Variants in ZNF536 observed in about 807,000 individuals in gnomAD.
ZNF536 encodes the protein zinc finger protein 536.
ZNF536 carries 13 observed loss-of-function variants against 84.5 expected under a neutral mutation model. The observed-to-expected ratio is 0.15, with a 90% CI of 0.10 to 0.24. ZNF536 has a LOEUF of 0.24. ZNF536 is among the 10% of genes least tolerant of loss of function. ZNF536 has a pLI of 1.00. For synonymous variants in ZNF536, 811 were observed against 742.5 expected (o/e 1.09, Z -1.50); for missense variants, 1,536 against 1,747.5 (o/e 0.88, Z 2.16).
chr19:30,597,148 T>G (rs1336100786), intron 1 of ZNF536, among the ~76,000 whole-genome samples: 4 of 152,232 alleles, frequency 2.6e-5, no homozygotes, highest in Non-Finnish European at 1.5e-5. Context: ...CCTGCACCAG[T>G]GCGCAAGCAT....
At chr19:30,289,742 A>G (rs16964050) in intron 2 of ZNF536, among the ~76,000 whole-genome samples, 35,446 of 152,066 alleles carry the variant, frequency 0.23, 5,065 homozygotes, top group East Asian at 0.54. Context: ...TATCCCGCTC[A>G]TTTTTTAGGG....
chr19:30,554,142 T>C (rs769247804), intron 4 of ZNF536: 2 of 151,566 alleles, frequency 1.3e-5, no homozygotes, highest in Non-Finnish European at 1.5e-5. Flanking sequence ...CATATTTTTA[T>C]GTGTGATGAG....
Position 30,621,840 on chromosome 19 carries a change from C to T in ZNF536, c.169+72326C>T, listed in dbSNP as rs546512930. On this transcript the variant is annotated intron_variant, in intron 1 of 1. Transcript: ENST00000592773. ...GCGTCATCTGAAACCACCTGTGCTT[C>T]TAGGTCTTTCTCTCTCTTTCAAACC... Among the ~76,000 whole-genome samples the T allele has an allele frequency of 3.3e-5, 5 of 152,344 alleles. No homozygotes were observed. The South Asian group carries it at 1.0e-3, about 32-fold the overall frequency.
intron 1 of ZNF536, among the ~76,000 whole-genome samples, chr19:30,701,906 T>A (rs1411251646): frequency 6.6e-6 from 1 of 152,252 alleles, no homozygotes; most frequent in Non-Finnish European, 1.5e-5. Context: ...TGCACTTTGA[T>A]GAGTGGGTGC....
intron 1 of ZNF536, among the ~76,000 whole-genome samples, chr19:30,617,484 G>A (rs1353597932): frequency 6.6e-6 from 1 of 151,254 alleles, no homozygotes; most frequent in Non-Finnish European, 1.5e-5. Flanking sequence ...CCAAGTAACT[G>A]GGACGACAGG....
intron 1 of ZNF536, among the ~76,000 whole-genome samples, chr19:30,395,977 C>G (rs2049799171): frequency 1.3e-5 from 2 of 152,290 alleles, no homozygotes; most frequent in South Asian, 4.1e-4. Context: ...TACATTGACA[C>G]GTCAATATCA....
At chr19:30,636,625 C>A (rs1016458225) in intron 1 of ZNF536, among the ~76,000 whole-genome samples, 5 of 152,148 alleles carry the variant, frequency 3.3e-5, no homozygotes, top group Non-Finnish European at 5.9e-5. Context: ...CGGGTGAGAT[C>A]TAGGCAAGGT....
intron 2 of ZNF536, among the ~76,000 whole-genome samples, chr19:30,287,824 GATGGATGA>G (rs2045701844): frequency 6.6e-6 from 1 of 152,090 alleles, no homozygotes. Flanking sequence ...TGGATGGATG[GATGGATGA>G]ATGGATGAGT....
intron 1 of ZNF536, among the ~76,000 whole-genome samples, chr19:30,441,127 C>T (rs574819125): frequency 5.6e-4 from 86 of 152,322 alleles, no homozygotes; most frequent in Non-Finnish European, 1.0e-3. Flanking sequence ...AGCCTTCTTT[C>T]CCTCCTGCTG....
intron 3 of ZNF536, among the ~76,000 whole-genome samples, chr19:30,357,306 C>T (rs1010923377): frequency 6.6e-6 from 1 of 152,198 alleles, no homozygotes; most frequent in African/African-American, 2.4e-5. Context: ...GCAGAAAGAA[C>T]AGCATGTGCA....
chr19:30,680,755 T>C (rs564592318), intron 1 of ZNF536, among the ~76,000 whole-genome samples: 1 of 152,320 alleles, frequency 6.6e-6, no homozygotes, highest in South Asian at 2.1e-4. Flanking sequence ...TATAGTCCTT[T>C]GGGTATATAC....
chr19:30,628,387 C>T (rs980850181), intron 1 of ZNF536, among the ~76,000 whole-genome samples: 2 of 151,842 alleles, frequency 1.3e-5, no homozygotes, highest in African/African-American at 4.8e-5. Context: ...GGACAGAAAA[C>T]ATAGCACAGC....
intron 2 of ZNF536, among the ~76,000 whole-genome samples, chr19:30,294,249 A>G (rs1270883715): frequency 6.6e-6 from 1 of 152,156 alleles, no homozygotes; most frequent in African/African-American, 2.4e-5. Context: ...GTATTTGCTG[A>G]GGTGGCCGTG....
At chr19:30,412,422 T>C (rs965172006) in intron 1 of ZNF536, among the ~76,000 whole-genome samples, 1 of 151,988 alleles carries the variant, frequency 6.6e-6, no homozygotes, top group Non-Finnish European at 1.5e-5. Context: ...GTTGATATAA[T>C]ATGATTATTC....
chr19:30,643,778 G>A (rs2049358068), intron 1 of ZNF536, among the ~76,000 whole-genome samples: 1 of 152,096 alleles, frequency 6.6e-6, no homozygotes, highest in Non-Finnish European at 1.5e-5. Flanking sequence ...GCGTTGGGGG[G>A]TGGTGCTTAC....
chr19:30,390,757 C>T (rs2049552289), intron 1 of ZNF536, among the ~76,000 whole-genome samples: 1 of 152,166 alleles, frequency 6.6e-6, no homozygotes, highest in African/African-American at 2.4e-5. Context: ...CTGGAGGATT[C>T]TAATCAAGTG....
intron 1 of ZNF536, among the ~76,000 whole-genome samples, chr19:30,383,668 CTT>C (rs1374949334): frequency 1.7e-4 from 2 of 11,940 alleles, no homozygotes; most frequent in African/African-American, 3.3e-4. Flanking sequence ...CTTTCTCTTT[CTT>C]TCTTCCTTTC....
chr19:30,496,172 C>T (rs757345351), intron 2 of ZNF536, among the ~76,000 whole-genome samples: 4 of 152,104 alleles, frequency 2.6e-5, no homozygotes, highest in Admixed American at 6.5e-5. Flanking sequence ...GGCTCTCTGT[C>T]CCCATACCCT....
chr19:30,472,256 A>G (rs1239891101), intron 2 of ZNF536, among the ~76,000 whole-genome samples: 1 of 151,628 alleles, frequency 6.6e-6, no homozygotes, highest in Non-Finnish European at 1.5e-5. Context: ...GTTAAAATGT[A>G]CATTATTGGT....
Sources: allele counts gnomAD v4.1 joint callset (sites outside exome capture counted in the v4.1 genomes callset), GRCh38; gene constraint gnomAD v4.1.1; transcripts MANE v1.5; gene names NCBI Gene and HGNC (gene_info 2026-07-23, HGNC 2026-07-21).